CPNE4: variants seen among roughly 807,000 people sequenced by gnomAD.
CPNE4 encodes copine-4.
Under a neutral mutation model 67.9 loss-of-function variants are expected in CPNE4, and 25 were observed. The ratio of observed to expected loss-of-function variants is 0.37; its 90% CI spans 0.27 to 0.51. The LOEUF is 0.51. CPNE4 is among the 20% of genes least tolerant of loss of function. CPNE4 has a pLI of 0.93. For synonymous variants in CPNE4, 242 were observed against 244.9 expected, an observed-to-expected ratio of 0.99 and a Z score of 0.11; for missense variants, 464 against 690.8, an observed-to-expected ratio of 0.67 and a Z score of 3.68.
chr3:131,858,497 G>A (rs2086543004), intron 2 of CPNE4, among the ~76,000 whole-genome samples: 2 of 152,224 alleles, frequency 1.3e-5, no homozygotes, highest in Middle Eastern at 3.4e-3. Flanking sequence ...AACACAAGGA[G>A]ACATGCTTTT....
At chr3:131,935,653 G>A (rs2071199815) in intron 1 of CPNE4, among the ~76,000 whole-genome samples, 2 of 152,202 alleles carry the variant, frequency 1.3e-5, no homozygotes, top group South Asian at 4.1e-4. Context: ...GATCAAAACT[G>A]TATGACCAGA....
intron 1 of CPNE4, among the ~76,000 whole-genome samples, chr3:131,978,202 TA>T (rs1453878319): frequency 2.9e-4 from 14 of 48,122 alleles, no homozygotes; most frequent in African/African-American, 2.3e-3. Flanking sequence ...TTATAATTAT[TA>T]TATATAATAT....
intron 2 of CPNE4, among the ~76,000 whole-genome samples, chr3:131,833,339 T>C (rs1396053976): frequency 2.0e-5 from 3 of 152,138 alleles, no homozygotes; most frequent in Admixed American, 2.0e-4. Context: ...AATCTCTCAA[T>C]ATCTACAGCT....
At chr3:131,986,481 G>A (rs1276283474) in intron 1 of CPNE4, among the ~76,000 whole-genome samples, 1 of 152,176 alleles carries the variant, frequency 6.6e-6, no homozygotes, top group Admixed American at 6.5e-5. Flanking sequence ...GATAAGAGAT[G>A]AGAAAAGCAG....
intron 1 of CPNE4, among the ~76,000 whole-genome samples, chr3:131,973,528 T>C (rs2072559016): frequency 1.3e-5 from 2 of 152,210 alleles, no homozygotes; most frequent in East Asian, 3.8e-4. Flanking sequence ...ATAGATACTA[T>C]TATCATCTCC....
intron 1 of CPNE4, among the ~76,000 whole-genome samples, chr3:132,006,941 G>T (rs1004249117): frequency 2.6e-5 from 4 of 152,178 alleles, no homozygotes; most frequent in Admixed American, 2.6e-4. Context: ...GCACATCAGA[G>T]TTGGATGTAA....
At chr3:131,680,407 C>T (rs1342423117) in intron 6 of CPNE4, among the ~76,000 whole-genome samples, 1 of 151,970 alleles carries the variant, frequency 6.6e-6, no homozygotes, top group Non-Finnish European at 1.5e-5. Flanking sequence ...ACACTGATTA[C>T]ATAAAGAAAC....
rs764949554 is a variant in CPNE4 at position 131,581,606 on chromosome 3, T to A, written c.840A>T (p.Ser280=). Residue 280 remains serine (S), a synonymous_variant, in exon 9 of 16, where the codon TCA becomes TCT. Transcript: ENST00000429747. ...YKAKKKNYKN[S]GTVILNLCKI... is the part of the protein sequence containing the mutation. ...TGCACAGATTCAGAATCACAGTGCC[T>A]GAGTTCTTGTAATTCTTCTTCTTGG... 1 of 1,613,150 alleles carries A rather than the reference T, an allele frequency of 6.2e-7. No individual in the cohort carries two copies. Among genetic ancestry groups the A allele is most frequent in the Admixed American group, 1.7e-5 (1 of 60,012 alleles).
intron 7 of CPNE4, among the ~76,000 whole-genome samples, chr3:131,645,788 G>C (rs1546314): frequency 0.26 from 39,961 of 151,948 alleles, 7,423 homozygotes; most frequent in African/African-American, 0.52. Context: ...CTCACTTCCT[G>C]AAAAAAGGTA....
chr3:131,858,104 AT>A, intron 2 of CPNE4, among the ~76,000 whole-genome samples: 1 of 152,160 alleles, frequency 6.6e-6, no homozygotes, highest in Middle Eastern at 3.2e-3. Context: ...TTACACAATT[AT>A]ATCTTCAAAC....
chr3:132,009,906 A>G (rs2073708123), intron 1 of CPNE4, among the ~76,000 whole-genome samples: 2 of 152,206 alleles, frequency 1.3e-5, no homozygotes, highest in Non-Finnish European at 2.9e-5. Flanking sequence ...CCTATAATGC[A>G]CAGGATAGCC....
intron 10 of CPNE4, among the ~76,000 whole-genome samples, 198 bp from the exon 11 acceptor site, chr3:131,564,547 G>A (rs1936958956): frequency 6.6e-6 from 1 of 151,952 alleles, no homozygotes; most frequent in South Asian, 2.1e-4. Flanking sequence ...GCAGTCTTCA[G>A]TCTCCCTTCC....
rs1463521940 is a variant in CPNE4, at chr3:131,723,523, C to G, written c.283G>C (p.Val95Leu). Residue 95 changes from valine to leucine, a missense_variant, in exon 3 of 16, where the codon GTC becomes CTC. Transcript: ENST00000429747. ...FEEVQRLRFE[V>L]HDISSNHNGL... Reference sequence around the variant, plus strand: ...TTGTGGTTGCTGCTGATGTCATGGACTTCAAACCGCAGGCGCTGCACCTCC... The same window carrying G: ...TTGTGGTTGCTGCTGATGTCATGGAGTTCAAACCGCAGGCGCTGCACCTCC... The G allele has an allele frequency of 6.2e-7, 1 of 1,614,034 alleles. No individual in the cohort carries two copies. The highest frequency in any genetic ancestry group is 1.7e-5 in the Admixed American group (1 of 60,030).
chr3:131,669,577 A>C, intron 7 of CPNE4, 98 bp downstream of exon 7: 1 of 921,088 alleles, frequency 1.1e-6, no homozygotes, highest in Non-Finnish European at 1.7e-6. Flanking sequence ...GGTACAGTGT[A>C]AAGAAAATTT....
intron 2 of CPNE4, among the ~76,000 whole-genome samples, chr3:131,824,679 C>T (rs2085085909): frequency 6.6e-6 from 1 of 152,150 alleles, no homozygotes; most frequent in Admixed American, 6.6e-5. Flanking sequence ...GCATATGAAT[C>T]CTTTCAGGAG....
At chr3:131,948,270 T>G (rs115743094) in intron 1 of CPNE4, among the ~76,000 whole-genome samples, 1,993 of 152,264 alleles carry the variant, frequency 0.013, 57 homozygotes, top group African/African-American at 0.044. Flanking sequence ...CCCCATGTTG[T>G]TCTTGTGATA....
Position 132,034,817 on chromosome 3 carries a change from G to A in CPNE4, c.-252C>T, listed in dbSNP as rs764849237. ...TGACTCCATTCTCGGTGATGGGGGT[G>A]GGGGAAGAGGGTGAAAATGTTGGAG... On this transcript the variant is annotated 5_prime_UTR_variant, in exon 1 of 16. Transcript: ENST00000429747. 8.2e-5 allele frequency: 81 copies of A among 985,482 alleles called. No homozygotes were observed. The highest frequency in any genetic ancestry group is 9.5e-5 in the Non-Finnish European group (79 of 830,144). 61.0% of individuals were successfully genotyped at this position (985,482 alleles called of 1,614,324 possible).
At chr3:131,838,279 A>G (rs1290071016) in intron 2 of CPNE4, among the ~76,000 whole-genome samples, 1 of 152,032 alleles carries the variant, frequency 6.6e-6, no homozygotes, top group Non-Finnish European at 1.5e-5. Context: ...TAAAGGCTTC[A>G]TATTCAATAT....
At chr3:131,872,489 T>C (rs192161695) in intron 2 of CPNE4, among the ~76,000 whole-genome samples, 40 of 152,328 alleles carry the variant, frequency 2.6e-4, no homozygotes, top group Non-Finnish European at 4.7e-4. Context: ...GTCAGCCTGT[T>C]TGTTCTACTC....
Sources: allele counts gnomAD v4.1 joint callset (sites outside exome capture counted in the v4.1 genomes callset), GRCh38; gene constraint gnomAD v4.1.1; transcripts MANE v1.5; gene names NCBI Gene and HGNC (gene_info 2026-07-23, HGNC 2026-07-21).